The following RHBDL1 variants were observed in gnomAD, a reference collection of about 807,000 sequenced individuals.
RHBDL1 encodes the protein rhomboid like 1.
A neutral mutation model predicts 34.0 loss-of-function variants in RHBDL1; 21 were observed. The ratio of observed to expected loss-of-function variants is 0.62; its 90% confidence interval spans 0.44 to 0.89. The LOEUF (loss-of-function observed/expected upper bound fraction) is 0.89. Among genes scored for constraint, RHBDL1 ranks in the 40% least tolerant of loss-of-function variants. RHBDL1 has a pLI of 0.00. For synonymous variants in RHBDL1, 268 were observed against 234.8 expected (o/e 1.14, Z -1.29); for missense variants, 450 against 530.6 (o/e 0.85, Z 1.49).
chr16:678,204 A>C lies in RHBDL1; in HGVS notation c.*152A>C. On this transcript the variant is annotated 3_prime_UTR_variant, in exon 8 of 8. Coordinates refer to ENST00000352681, the MANE Select transcript of RHBDL1 (RefSeq NM_001278720.2). The stretch of plus-strand genomic sequence containing the variant: ...AAAGGAGGCCCTGTCCCAGCCACCC[A>C]CCCCCCACTCCCAGGACTTGCGGTC... 2 of 1,365,020 alleles carry C rather than the reference A, an allele frequency of 1.5e-6. No individual in the cohort carries two copies. The highest frequency in any genetic ancestry group is 1.9e-5 in the South Asian group (1 of 53,792). The allele number at this position is 1,365,020 out of a possible 1,614,324, so 84.6% of individuals were successfully genotyped here.
At chr16:675,912 G>A in intron 1 of RHBDL1, 83 bp downstream of exon 1, 2 of 1,433,314 alleles carry the variant, frequency 1.4e-6, no homozygotes, top group Admixed American at 2.4e-5. Flanking sequence ...GCGGGACCGA[G>A]CTCCCCGAAA....
Position 675,990 on chromosome 16 carries a change from C to A in RHBDL1, c.39+161C>A, listed in dbSNP as rs2039528445. ...GTGTGTCTGGGACCCCAGGAGAGGA[C>A]TGACTGGACCAGAGCTCCTGGCTGG... On this transcript the variant is annotated intron_variant, in intron 1 of 7. Transcript: ENST00000352681. 2.9e-6 allele frequency: 4 copies of A among 1,401,720 alleles called. No homozygotes were observed. The East Asian group carries it at 8.0e-5, about 28-fold the overall frequency. 86.8% of individuals were successfully genotyped at this position (1,401,720 alleles called of 1,614,324 possible). A position where few individuals can be genotyped will look rare whatever the true frequency, so the allele number is the denominator to read the frequency against.
chr16:677,518 G>T lies in RHBDL1; in HGVS notation c.748G>T (p.Val250Phe). ...RAPVVGGSGG[V>F]YALCSAHLAN... ...CCCGGTGGTGGGAGGCTCCGGCGGG[G>T]TCTACGCCCTGTGCTCGGCACACCT... is the stretch of plus-strand genomic sequence containing the variant. Residue 250 changes from valine to phenylalanine, a missense_variant, in exon 6 of 8, where the codon GTC becomes TTC. Physicochemically the swap from Val to Phe is conservative, Grantham distance 50. Coordinates refer to ENST00000352681, the MANE Select transcript of RHBDL1 (RefSeq NM_001278720.2). The T allele has an allele frequency of 6.2e-7, 1 of 1,609,728 alleles. No homozygotes were observed. Among genetic ancestry groups the T allele is most frequent in the Non-Finnish European group, 8.5e-7 (1 of 1,179,724 alleles).
In RHBDL1 at chr16:677,942, T is replaced by G. The variant is rs1412538714; in HGVS notation, c.1012T>G (p.Cys338Gly). 6 of 1,603,656 alleles carry G rather than the reference T, an allele frequency of 3.7e-6. No homozygotes were observed. Among genetic ancestry groups the G allele is most frequent in the Non-Finnish European group, 5.1e-6 (6 of 1,179,432 alleles). Residue 338 changes from cysteine (C) to glycine (G), a missense_variant, in exon 8 of 8, where the codon TGC becomes GGC. Transcript: ENST00000352681. ...CTACGAGGAGCGCCTGCGGGACCAG[T>G]GCGGCTGGTGGGTGGTGCTGCTGGC... The part of the protein sequence containing the change: ...RSYEERLRDQ[C>G]GWWVVLLAYG...
chr16:675,768 AC>A lies in RHBDL1; in HGVS notation c.-19del. ...TCCCGGCCGCGGCCGCCGACCCCGG[AC>A]CCCGGCCCCCGGCCAGGCTCTATGG... On this transcript the variant is annotated 5_prime_UTR_variant, in exon 1 of 8. Transcript: ENST00000352681. 2.1e-6 allele frequency: 3 copies of A among 1,451,128 alleles called. No homozygotes were observed. Among genetic ancestry groups the A allele is most frequent in the Admixed American group, 4.6e-5 (2 of 43,092 alleles). 89.9% of individuals were successfully genotyped at this position (1,451,128 alleles called of 1,614,324 possible).
Position 676,455 on chromosome 16 carries a change from C to T in RHBDL1, c.159C>T (p.Ser53=). ...KLDMLVALAQ[S]NEQGQVCYQE... ...ACATGCTGGTGGCCCTGGCTCAGAG[C>T]AACGAGCAGGGCCAGGTCTGCTACC... Residue 53 remains serine (S), a synonymous_variant, in exon 2 of 8, where the codon AGC becomes AGT. Transcript: ENST00000352681. This position sits in a 1 kb window ranked among gnomAD's most constrained non-coding sequence, Gnocchi z 6.9. 1 of 1,603,854 alleles carries T rather than the reference C, an allele frequency of 6.2e-7. No individual in the cohort carries two copies. Among genetic ancestry groups the T allele is most frequent in the Non-Finnish European group, 8.5e-7 (1 of 1,177,872 alleles).
chr16:677,922 A>G lies in RHBDL1; in HGVS notation c.992A>G (p.Glu331Gly), dbSNP rs747325441. Residue 331 changes from glutamate to glycine, a missense_variant, in exon 8 of 8, where the codon GAG becomes GGG. Glu to Gly is a moderately conservative substitution (Grantham distance 98, BLOSUM62 -2). Coordinates refer to ENST00000352681, the MANE Select transcript of RHBDL1 (RefSeq NM_001278720.2). ...SMGLTILRSY[E>G]ERLRDQCGWW... The stretch of plus-strand genomic sequence containing the variant: ...GGCCTGACCATCCTGCGGAGCTACG[A>G]GGAGCGCCTGCGGGACCAGTGCGGC... The G allele has an allele frequency of 3.7e-6, 6 of 1,603,672 alleles. No individual in the cohort carries two copies. The highest frequency in any genetic ancestry group is 5.1e-6 in the Non-Finnish European group (6 of 1,179,374).
chr16:677,082 G>T lies in RHBDL1; in HGVS notation c.538G>T (p.Ala180Ser). 6.2e-7 allele frequency: 1 copy of T among 1,612,736 alleles called. No individual in the cohort carries two copies. Among genetic ancestry groups the T allele is most frequent in the Non-Finnish European group, 8.5e-7 (1 of 1,179,886 alleles). The part of the protein sequence containing the change: ...LVYHPGHRAR[A>S]WRFLTYMFMH... ...GTACCACCCCGGGCACCGTGCCCGC[G>T]CCTGGCGCTTCCTCACCTACATGTT... Residue 180 changes from alanine to serine, a missense_variant, in exon 4 of 8, where the codon GCC (alanine) becomes TCC (serine). Ala to Ser is a moderately conservative substitution (Grantham distance 99, BLOSUM62 1). Coordinates refer to ENST00000352681, the MANE Select transcript of RHBDL1 (RefSeq NM_001278720.2).
rs2039582296 is a variant in RHBDL1, at chr16:677,979, TC to T, written c.1051del (p.Leu351CysfsTer?). The T allele has an allele frequency of 6.2e-7, 1 of 1,601,544 alleles. No individual in the cohort carries two copies. The highest frequency in any genetic ancestry group is 1.7e-5 in the Admixed American group (1 of 59,892). On this transcript the variant is annotated frameshift_variant, in exon 8 of 8. Coordinates refer to ENST00000352681, the MANE Select transcript of RHBDL1 (RefSeq NM_001278720.2). LOFTEE classifies it high-confidence loss of function. The part of the protein sequence containing the change: ...WWVVLLAYGT[F>X]LLFAVFWNVF... ...GTGGTGCTGCTGGCCTACGGCACCT[TC>T]CTGCTCTTCGCCGTCTTCTGGAACG...
rs2039588691 is a variant in RHBDL1 at position 678,221 on chromosome 16, C to G, written c.*169C>G. 7.3e-7 allele frequency: 1 copy of G among 1,379,302 alleles called. No homozygotes were observed. The highest frequency in any genetic ancestry group is 1.8e-5 in the South Asian group (1 of 55,388). The allele number at this position is 1,379,302 out of a possible 1,614,324, so 85.4% of individuals were successfully genotyped here. A position where few individuals can be genotyped will look rare whatever the true frequency, so the allele number is the denominator to read the frequency against. On this transcript the variant is annotated 3_prime_UTR_variant, in exon 8 of 8. Transcript: ENST00000352681. ...AGCCACCCACCCCCCACTCCCAGGA[C>G]TTGCGGTCTGAGCCTTTTTGGATAA...
At chr16:675,875 G>A in intron 1 of RHBDL1, 46 bp downstream of exon 1, 1 of 1,478,304 alleles carries the variant, frequency 6.8e-7, no homozygotes, top group Non-Finnish European at 9.0e-7. Flanking sequence ...CCCCAATGCG[G>A]CCCTCCTGCC....
chr16:676,828 C>T lies in RHBDL1; in HGVS notation c.358C>T (p.Arg120Cys), dbSNP rs1392851625. 3.7e-6 allele frequency: 6 copies of T among 1,611,564 alleles called. No individual in the cohort carries two copies. The highest frequency in any genetic ancestry group is 1.3e-5 in the African/African-American group (1 of 74,484). ...GATCCTGCCTTGTGAGGTGGACCGCCGCTGGTACTTCTACCGTCACCGCAG... is the reference window on the plus strand; with the variant it reads ...GATCCTGCCTTGTGAGGTGGACCGCTGCTGGTACTTCTACCGTCACCGCAG... ...YEILPCEVDR[R>C]WYFYRHRSCP... The change falls in exon 3 of 8, where the codon CGC (arginine) becomes TGC (cysteine). Residue 120 changes from arginine to cysteine, a missense_variant. Physicochemically the swap from Arg to Cys is radical, Grantham distance 180. Coordinates refer to ENST00000352681, the MANE Select transcript of RHBDL1 (RefSeq NM_001278720.2). This position sits in a 1 kb window ranked among gnomAD's most constrained non-coding sequence, Gnocchi z 6.9.
In RHBDL1 at chr16:676,759, G is replaced by A. The variant is rs1182928155; in HGVS notation, c.289G>A (p.Gly97Ser). The A allele has an allele frequency of 6.2e-7, 1 of 1,611,810 alleles. No individual in the cohort carries two copies. Among genetic ancestry groups the A allele is most frequent in the East Asian group, 2.2e-5 (1 of 44,840 alleles). ...CCGGGACGGGCCGCTGGATGAGCCA[G>A]GCCTAGGTGTCTACAAGCGGTTTGT... ...LPRDGPLDEPGLGVYKRFVRY... is the reference protein window; with the variant it reads ...LPRDGPLDEPSLGVYKRFVRY... The change falls in exon 3 of 8, where the codon GGC becomes AGC. Residue 97 changes from glycine to serine, a missense_variant. Coordinates refer to ENST00000352681, the MANE Select transcript of RHBDL1 (RefSeq NM_001278720.2). This position sits in a 1 kb window ranked among gnomAD's most constrained non-coding sequence, Gnocchi z 6.9.
In RHBDL1 at chr16:677,828, C is replaced by A. The variant is rs1003803520; in HGVS notation, c.898C>A (p.Leu300Met). The stretch of plus-strand genomic sequence containing the variant: ...CGTGTGGCTGCGCTTCTCCCCGCCG[C>A]TGCCCGCCTCGGGCCCACAGCCCAG... ...RAVWLRFSPP[L>M]PASGPQPSFM... The change falls in exon 8 of 8, where the codon CTG becomes ATG. Residue 300 changes from leucine (L) to methionine (M), a missense_variant. By Grantham distance (15) the Leu-to-Met change is conservative. Coordinates refer to ENST00000352681, the MANE Select transcript of RHBDL1 (RefSeq NM_001278720.2). The A allele has an allele frequency of 6.3e-7, 1 of 1,581,600 alleles. No homozygotes were observed. The highest frequency in any genetic ancestry group is 8.6e-7 in the Non-Finnish European group (1 of 1,169,248).
Position 678,025 on chromosome 16 carries a change from G to A in RHBDL1, c.1095G>A (p.Leu365=). Reference sequence around the variant, plus strand: ...GGAACGTCTTCGCCTACGACCTGCTGGGCGCCCACATCCCCCCACCGCCCT... The same window carrying A: ...GGAACGTCTTCGCCTACGACCTGCTAGGCGCCCACATCCCCCCACCGCCCT... ...VFWNVFAYDL[L]GAHIPPPP The change falls in exon 8 of 8, where the codon CTG becomes CTA. Residue 365 remains leucine, a synonymous_variant. Transcript: ENST00000352681. 1 of 1,583,272 alleles carries A rather than the reference G, an allele frequency of 6.3e-7. No individual in the cohort carries two copies. The highest frequency in any genetic ancestry group is 8.5e-7 in the Non-Finnish European group (1 of 1,170,466).
rs1482727493 is a variant in RHBDL1, at chr16:676,427, T to G, written c.131T>G (p.Leu44Arg). Reference protein sequence around the residue: ...SHELPLDPAKLDMLVALAQSN... With the variant: ...SHELPLDPAKRDMLVALAQSN... ...GAGCTGCCCCTGGACCCGGCCAAGC[T>G]GGACATGCTGGTGGCCCTGGCTCAG... Residue 44 changes from leucine to arginine, a missense_variant, in exon 2 of 8, where the codon CTG (leucine) becomes CGG (arginine). Physicochemically the swap from Leu to Arg is moderately radical, Grantham distance 102. Coordinates refer to ENST00000352681, the MANE Select transcript of RHBDL1 (RefSeq NM_001278720.2). The surrounding 1 kb of genome is among the most constrained non-coding windows in gnomAD (Gnocchi z 6.9). 6.2e-7 allele frequency: 1 copy of G among 1,606,744 alleles called. No homozygotes were observed. The highest frequency in any genetic ancestry group is 8.5e-7 in the Non-Finnish European group (1 of 1,178,342).
Position 675,751 on chromosome 16 carries a change from GCGGCCGCCGACCCCGGACCC to G in RHBDL1, c.-34_-15del. ...GTCCGCAGAGCAGCCCCTCCCGGCC[GCGGCCGCCGACCCCGGACCC>G]CGGCCCCCGGCCAGGCTCTATGGAC... On this transcript the variant is annotated 5_prime_UTR_variant, in exon 1 of 8. Coordinates refer to ENST00000352681, the MANE Select transcript of RHBDL1 (RefSeq NM_001278720.2). The G allele has an allele frequency of 7.2e-7, 1 of 1,389,774 alleles. No individual in the cohort carries two copies. Among genetic ancestry groups the G allele is most frequent in the Non-Finnish European group, 9.5e-7 (1 of 1,050,370 alleles). 86.1% of individuals were successfully genotyped at this position (1,389,774 alleles called of 1,614,324 possible). A position where few individuals can be genotyped will look rare whatever the true frequency, so the allele number is the denominator to read the frequency against.
Position 676,031 on chromosome 16 carries a change from G to GGGGAGGGAGGGAGGGA in RHBDL1, c.39+214_39+229dup. 1.4e-6 allele frequency: 2 copies of GGGGAGGGAGGGAGGGA among 1,388,308 alleles called. No homozygotes were observed. The highest frequency in any genetic ancestry group is 1.5e-5 in the South Asian group (1 of 65,432). 86.0% of individuals were successfully genotyped at this position (1,388,308 alleles called of 1,614,324 possible). ...TCCTGGCTGGAGAAGGGAGAGTCGG[G>GGGGAGGGAGGGAGGGA]GGGAGGGAGGGAGGGAGGGAGGGAG... is the stretch of plus-strand genomic sequence containing the variant. On this transcript the variant is annotated intron_variant, in intron 1 of 7. Transcript: ENST00000352681. The surrounding 1 kb of genome is among the most constrained non-coding windows in gnomAD (Gnocchi z 6.9).
chr16:676,055 A>T lies in RHBDL1; in HGVS notation c.39+226A>T. 4.5e-6 allele frequency: 2 copies of T among 441,064 alleles called. No homozygotes were observed. The highest frequency in any genetic ancestry group is 8.4e-5 in the East Asian group (1 of 11,960). The allele number at this position is 441,064 out of a possible 1,614,324, so 27.3% of individuals were successfully genotyped here. On this transcript the variant is annotated intron_variant, in intron 1 of 7. Coordinates refer to ENST00000352681, the MANE Select transcript of RHBDL1 (RefSeq NM_001278720.2). This position sits in a 1 kb window ranked among gnomAD's most constrained non-coding sequence, Gnocchi z 6.9. Reference sequence around the variant, plus strand: ...GGGGGAGGGAGGGAGGGAGGGAGGGAGGGCGGGCAGCTGGCTGGTCTTGGA... The same window carrying T: ...GGGGGAGGGAGGGAGGGAGGGAGGGTGGGCGGGCAGCTGGCTGGTCTTGGA...
Sources: gnomAD v4.1 joint callset for allele counts on GRCh38, gnomAD v4.1.1 for gene constraint, Gnocchi (gnomAD v3.1) non-coding constraint, MANE v1.5 for transcripts, NCBI Gene and HGNC (gene_info 2026-07-23, HGNC 2026-07-21) for gene names.